The following GRM7 variants were observed in gnomAD, a reference collection of about 807,000 sequenced individuals.
The protein encoded by GRM7 is glutamate metabotropic receptor 7.
A neutral mutation model predicts 84.5 loss-of-function variants in GRM7; 35 were observed. The observed-to-expected ratio is 0.41, with a 90% CI of 0.32 to 0.55. The LOEUF (loss-of-function observed/expected upper bound fraction) is 0.55, where lower values mean the gene tolerates loss of function less well. GRM7 is among the 20% of genes least tolerant of loss of function. The probability of loss-of-function intolerance (pLI) is 0.19; values close to 1 mark genes in which losing one functional copy is unlikely to be tolerated. For synonymous variants in GRM7, 487 were observed against 455.1 expected (o/e 1.07, Z -0.89); for missense variants, 1,003 against 1,194.6 (o/e 0.84, Z 2.36).
intron 9 of GRM7, among the ~76,000 whole-genome samples, chr3:7,693,259 T>TAATC (rs1049166105): frequency 5.9e-5 from 9 of 152,150 alleles, no homozygotes; most frequent in African/African-American, 1.7e-4. Flanking sequence ...CTGCTTAAGG[T>TAATC]AATCAAGTTT....
At chr3:7,381,096 CAGTA>C (rs1389834521) in intron 4 of GRM7, among the ~76,000 whole-genome samples, 3 of 152,140 alleles carry the variant, frequency 2.0e-5, no homozygotes, top group Admixed American at 6.6e-5. Flanking sequence ...GGCTCAAAGC[CAGTA>C]CTACCTTTCT....
intron 4 of GRM7, among the ~76,000 whole-genome samples, chr3:7,412,251 G>A (rs1453985564): frequency 6.6e-6 from 1 of 152,168 alleles, no homozygotes; most frequent in Non-Finnish European, 1.5e-5. Flanking sequence ...TCGGCCAACA[G>A]AGATGTTCTA....
chr3:7,229,759 A>ATATATATT (rs1434216248), intron 2 of GRM7, among the ~76,000 whole-genome samples: 4 of 30,424 alleles, frequency 1.3e-4, no homozygotes, highest in Admixed American at 5.4e-4. Context: ...ATATATATAT[A>ATATATATT]TTTTTTTTTT....
intron 2 of GRM7, among the ~76,000 whole-genome samples, chr3:7,208,746 T>C (rs1330240761): frequency 6.6e-6 from 1 of 152,182 alleles, no homozygotes; most frequent in Non-Finnish European, 1.5e-5. Flanking sequence ...AATCGTGGTA[T>C]TACTCCATAC....
intron 2 of GRM7, among the ~76,000 whole-genome samples, chr3:7,172,864 C>T (rs1250404392): frequency 6.6e-6 from 1 of 152,000 alleles, no homozygotes; most frequent in African/African-American, 2.4e-5. Flanking sequence ...TGCTCTATGT[C>T]AGCCCCACTG....
intron 8 of GRM7, among the ~76,000 whole-genome samples, chr3:7,580,602 G>T (rs1695202874): frequency 6.6e-6 from 1 of 151,940 alleles, no homozygotes; most frequent in Admixed American, 6.6e-5. Flanking sequence ...TAATTCAGAG[G>T]GGCTATAATT....
chr3:7,200,893 T>G (rs918867615), intron 2 of GRM7, among the ~76,000 whole-genome samples: 2 of 151,764 alleles, frequency 1.3e-5, no homozygotes, highest in Non-Finnish European at 2.9e-5. Context: ...TTGCCTCACC[T>G]GGGGTGGTTC....
chr3:7,475,782 G>A (rs889159085), intron 7 of GRM7, among the ~76,000 whole-genome samples: 5 of 152,156 alleles, frequency 3.3e-5, no homozygotes, highest in South Asian at 2.1e-4. Flanking sequence ...AGGCATATCC[G>A]GTATTGTGGG....
rs375363011 is a variant in GRM7, at chr3:7,724,031, C to A, written c.2699-16326C>A. On this transcript the variant is annotated intron_variant, in intron 9 of 9. Coordinates refer to ENST00000357716, the MANE Select transcript of GRM7 (RefSeq NM_000844.4). ...TGGCAGTGTGCATGAGAAACGAAGA[C>A]AACAGAAAGCACGTCCACAGAGAAT... Among the ~76,000 whole-genome samples the A allele has an allele frequency of 3.9e-5, 6 of 152,186 alleles. No homozygotes were observed. In the South Asian group the frequency reaches 1.0e-3, roughly 26 times the overall value.
intron 2 of GRM7, among the ~76,000 whole-genome samples, chr3:7,182,631 C>T (rs1276769284): frequency 1.3e-5 from 2 of 152,138 alleles, no homozygotes; most frequent in Non-Finnish European, 2.9e-5. Context: ...TATTTCTTCT[C>T]CCAAGTCTTC....
chr3:7,113,888 C>A (rs577149458), intron 1 of GRM7, among the ~76,000 whole-genome samples: 1 of 152,174 alleles, frequency 6.6e-6, no homozygotes, highest in East Asian at 1.9e-4. Flanking sequence ...AAGTGATTTA[C>A]TTGTATTATT....
chr3:7,728,119 A>G (rs1377811572), intron 9 of GRM7, among the ~76,000 whole-genome samples: 1 of 152,164 alleles, frequency 6.6e-6, no homozygotes, highest in African/African-American at 2.4e-5. Context: ...GATGGCACAC[A>G]CGTACCCTTC....
chr3:6,895,889 T>A lies in GRM7; in HGVS notation c.519+33982T>A, dbSNP rs59318577. ...CCATTGAGTAAAAATATATATTTAT[T>A]CCTCACCCAATATGACATGAGGTGC... On this transcript the variant is annotated intron_variant, in intron 1 of 9. Transcript: ENST00000357716. 8.5e-3 allele frequency among the ~76,000 whole-genome samples: 1,301 copies of A among 152,242 alleles called. 21 individuals are homozygous for A. Among genetic ancestry groups the A allele is most frequent in the African/African-American group, 0.029 (1,222 of 41,534 alleles).
intron 1 of GRM7, among the ~76,000 whole-genome samples, chr3:6,882,656 C>T (rs1695554988): frequency 6.6e-6 from 1 of 152,144 alleles, no homozygotes; most frequent in African/African-American, 2.4e-5. Context: ...TACACACAGG[C>T]ACAATGCAAG....
chr3:7,719,779 AACACACACACACACACACACACACACAC>A (rs71043692), intron 9 of GRM7, among the ~76,000 whole-genome samples: 1 of 133,442 alleles, frequency 7.5e-6, no homozygotes, highest in Non-Finnish European at 1.6e-5. Flanking sequence ...ACCACTGGGC[AACACACACACACACACACACACACACAC>A]ACACACACAC....
At chr3:7,253,999 A>C (rs1462953248) in intron 2 of GRM7, among the ~76,000 whole-genome samples, 2 of 152,326 alleles carry the variant, frequency 1.3e-5, no homozygotes, top group East Asian at 3.9e-4. Context: ...GGATGGCTTC[A>C]CAGCTTTCTC....
chr3:7,417,076 T>C (rs867288400), intron 5 of GRM7, among the ~76,000 whole-genome samples: 38 of 152,232 alleles, frequency 2.5e-4, no homozygotes, highest in African/African-American at 8.7e-4. Context: ...AGGCTGATCA[T>C]TGAGAATTTG....
At chr3:7,247,665 A>T (rs1265964947) in intron 2 of GRM7, among the ~76,000 whole-genome samples, 1 of 151,300 alleles carries the variant, frequency 6.6e-6, no homozygotes, top group Non-Finnish European at 1.5e-5. Flanking sequence ...AAACTTTGCC[A>T]AAACTAAAAG....
At chr3:6,990,388 T>TAAG (rs1238599209) in intron 1 of GRM7, among the ~76,000 whole-genome samples, 6 of 152,224 alleles carry the variant, frequency 3.9e-5, no homozygotes, top group Non-Finnish European at 8.8e-5. Context: ...TGAATTTCTC[T>TAAG]AAGTCTGTTA....
Sources: allele counts gnomAD v4.1 joint callset (sites outside exome capture counted in the v4.1 genomes callset), GRCh38; gene constraint gnomAD v4.1.1; transcripts MANE v1.5; gene names NCBI Gene and HGNC (gene_info 2026-07-23, HGNC 2026-07-21).